Variants in PHAX observed in about 807,000 individuals in gnomAD.
The protein encoded by PHAX is phosphorylated adaptor for RNA export, also known as phosphorylated adapter RNA export protein.
A neutral mutation model predicts 41.6 loss-of-function variants in PHAX; 31 were observed. The observed-to-expected ratio is 0.75, with a 90% confidence interval of 0.56 to 1.01. PHAX has a LOEUF of 1.01. Ranked by LOEUF, PHAX falls within the 50% of genes least tolerant of loss-of-function variation. The probability of loss-of-function intolerance (pLI) is 0.00; values close to 1 mark genes in which losing one functional copy is unlikely to be tolerated. For synonymous variants in PHAX, 175 were observed against 164.9 expected (o/e 1.06, Z -0.47); for missense variants, 453 against 472.9 (o/e 0.96, Z 0.39).
intron 4 of PHAX, among the ~76,000 whole-genome samples, chr5:126,622,335 T>C (rs149898505): frequency 0.044 from 6,617 of 151,906 alleles, 345 homozygotes; most frequent in East Asian, 0.28. Flanking sequence ...GGTTTCACCA[T>C]GTTGGCCAGG....
intron 3 of PHAX, among the ~76,000 whole-genome samples, chr5:126,608,975 A>G (rs926689796): frequency 6.6e-6 from 1 of 151,758 alleles, no homozygotes; most frequent in Non-Finnish European, 1.5e-5. Flanking sequence ...AAATTAGTAC[A>G]GTTGTTTTTG....
At chr5:126,624,432 C>T in intron 4 of PHAX, 143 bp from the exon 5 acceptor site, 1 of 708,220 alleles carries the variant, frequency 1.4e-6, no homozygotes, top group Non-Finnish European at 2.3e-6. Flanking sequence ...TACTTAATAT[C>T]TTGAACTCCA....
At chr5:126,623,482 G>A (rs1752301364) in intron 4 of PHAX, among the ~76,000 whole-genome samples, 2 of 152,132 alleles carry the variant, frequency 1.3e-5, no homozygotes, top group Non-Finnish European at 2.9e-5. Flanking sequence ...TGCCTGGTAC[G>A]TAAAAGTACT....
chr5:126,616,138 G>T (rs1184202662), intron 3 of PHAX, among the ~76,000 whole-genome samples: 3 of 150,376 alleles, frequency 2.0e-5, no homozygotes, highest in Non-Finnish European at 4.4e-5. Flanking sequence ...TGTCGTCCAG[G>T]CTAGAGTGCA....
intron 1 of PHAX, 106 bp from the exon 2 acceptor site, chr5:126,603,464 T>A: frequency 8.3e-7 from 1 of 1,205,520 alleles, no homozygotes; most frequent in Non-Finnish European, 1.2e-6. Context: ...TCTTTGAAGA[T>A]CAGTTCCATT....
At chr5:126,601,563 A>T (rs1751903980) in intron 1 of PHAX, among the ~76,000 whole-genome samples, 1 of 152,226 alleles carries the variant, frequency 6.6e-6, no homozygotes, top group Non-Finnish European at 1.5e-5. Context: ...ACTGAGGCCC[A>T]GGAATGAAGT....
intron 3 of PHAX, among the ~76,000 whole-genome samples, chr5:126,615,493 T>C (rs1187803612): frequency 6.6e-6 from 1 of 151,184 alleles, no homozygotes; most frequent in Non-Finnish European, 1.5e-5. Context: ...AGTGCCATCT[T>C]TTTCACATTC....
Position 126,624,960 on chromosome 5 carries a change from A to C in PHAX, c.*116A>C, listed in dbSNP as rs1017759411. The stretch of plus-strand genomic sequence containing the variant: ...AACATGAGAATCTGGAGGAAAGACA[A>C]TTGTTTTCTTGTTTAAAATATGTGT... On this transcript the variant is annotated 3_prime_UTR_variant, in exon 5 of 5. Coordinates refer to ENST00000297540, the MANE Select transcript of PHAX (RefSeq NM_032177.4). 2.2e-6 allele frequency: 2 copies of C among 921,368 alleles called. No homozygotes were observed. The highest frequency in any genetic ancestry group is 1.8e-5 in the South Asian group (1 of 56,326). The allele number at this position is 921,368 out of a possible 1,614,324, so 57.1% of individuals were successfully genotyped here.
intron 3 of PHAX, among the ~76,000 whole-genome samples, chr5:126,611,853 A>G (rs1752107174): frequency 6.6e-6 from 1 of 151,768 alleles, no homozygotes; most frequent in South Asian, 2.1e-4. Flanking sequence ...AGCTATAGGG[A>G]ATAGTAGCAG....
chr5:126,621,858 A>G (rs930909077), intron 4 of PHAX, among the ~76,000 whole-genome samples: 2 of 152,240 alleles, frequency 1.3e-5, no homozygotes, highest in Admixed American at 6.5e-5. Context: ...CATTTGTGAT[A>G]AAGATATTAA....
chr5:126,614,690 TAA>T (rs1752157955), intron 3 of PHAX, among the ~76,000 whole-genome samples: 2 of 151,992 alleles, frequency 1.3e-5, no homozygotes, highest in Admixed American at 1.3e-4. Context: ...AAAAAATCAG[TAA>T]AAGAGTGTGT....
chr5:126,603,206 G>C (rs540606826), intron 1 of PHAX, among the ~76,000 whole-genome samples: 1 of 150,620 alleles, frequency 6.6e-6, no homozygotes, highest in Non-Finnish European at 1.5e-5. Flanking sequence ...CTCCAGCCTC[G>C]GCCACAGAAC....
intron 4 of PHAX, among the ~76,000 whole-genome samples, chr5:126,619,528 A>T (rs569864714): frequency 1.3e-5 from 2 of 150,764 alleles, no homozygotes; most frequent in East Asian, 3.9e-4. Flanking sequence ...GTAAGCCGAG[A>T]TCACACCACT....
intron 3 of PHAX, among the ~76,000 whole-genome samples, chr5:126,611,677 A>T (rs1003918691): frequency 6.6e-6 from 1 of 151,822 alleles, no homozygotes; most frequent in Non-Finnish European, 1.5e-5. Flanking sequence ...TTTAGTCCCA[A>T]CTACCTAGGA....
At chr5:126,612,893 A>T (rs1040792658) in intron 3 of PHAX, among the ~76,000 whole-genome samples, 1 of 152,126 alleles carries the variant, frequency 6.6e-6, no homozygotes, top group African/African-American at 2.4e-5. Context: ...AGTGGATTAG[A>T]TGGAGGATGT....
chr5:126,613,844 C>T (rs1490054012), intron 3 of PHAX, among the ~76,000 whole-genome samples: 1 of 151,420 alleles, frequency 6.6e-6, no homozygotes, highest in Non-Finnish European at 1.5e-5. Context: ...GGCACAATCG[C>T]AGGTCACTGC....
intron 4 of PHAX, among the ~76,000 whole-genome samples, chr5:126,617,671 G>C (rs1028358481): frequency 6.6e-6 from 1 of 152,016 alleles, no homozygotes; most frequent in Non-Finnish European, 1.5e-5. Context: ...TAGAGACGGG[G>C]TTTCACCATA....
Position 126,617,487 on chromosome 5 carries a change from A to T in PHAX, c.915+154A>T, listed in dbSNP as rs191941809. On this transcript the variant is annotated intron_variant, in intron 4 of 4. Coordinates refer to ENST00000297540, the MANE Select transcript of PHAX (RefSeq NM_032177.4). The stretch of plus-strand genomic sequence containing the variant: ...TAACATTTATGCCTTTTATTTATTT[A>T]TTTATTTTTGAGGCGGAGTCTCACT... Among the ~76,000 whole-genome samples, 292 of 151,660 alleles carry T rather than the reference A, an allele frequency of 1.9e-3. 1 individual carries two copies. Among genetic ancestry groups the T allele is most frequent in the African/African-American group, 6.7e-3 (275 of 41,324 alleles).
At chr5:126,620,195 A>G (rs1752247898) in intron 4 of PHAX, among the ~76,000 whole-genome samples, 1 of 152,128 alleles carries the variant, frequency 6.6e-6, no homozygotes, top group Admixed American at 6.6e-5. Context: ...TACTTTTTTC[A>G]TTTCATTGTA....
Sources: gnomAD v4.1 joint callset for allele counts (sites outside exome capture counted in the v4.1 genomes callset) on GRCh38, gnomAD v4.1.1 for gene constraint, MANE v1.5 for transcripts, NCBI Gene and HGNC (gene_info 2026-07-23, HGNC 2026-07-21) for gene names.